HOXC4: variants seen among roughly 807,000 people sequenced by gnomAD.
HOXC4 encodes homeobox C4.
Under a neutral mutation model 25.5 loss-of-function variants are expected in HOXC4, and 15 were observed. That is an observed-to-expected ratio of 0.59 (90% confidence interval 0.39 to 0.91). HOXC4 has a LOEUF of 0.91. Among genes scored for constraint, HOXC4 ranks in the 40% least tolerant of loss-of-function variants. The pLI, the probability that HOXC4 is intolerant of heterozygous loss-of-function variation, is 0.00. For missense variants in HOXC4, 342 were observed against 352.4 expected (o/e 0.97, Z 0.24); for synonymous variants, 165 against 148.0 (o/e 1.11, Z -0.83).
At chr12:54,034,702 C>CCTCAGCTCGGCTCAGCTCGGTACCCGGGG (rs1483000704) in intron 1 of HOXC4, 42 of 562,766 alleles carry the variant, frequency 7.5e-5, no homozygotes, top group Non-Finnish European at 1.3e-4. Flanking sequence ...CCCCATCTCC[C>CCTCAGCTCGGCTCAGCTCGGTACCCGGGG]CTCAGCTCGG....
chr12:54,050,971 C>T (rs1157472936), upstream of HOXC4, among the ~76,000 whole-genome samples: 1 of 152,168 alleles, frequency 6.6e-6, no homozygotes, highest in Non-Finnish European at 1.5e-5. Flanking sequence ...TCTGTGTCTA[C>T]TACTTATACT....
intron 1 of HOXC4, chr12:54,020,381 T>C (rs1940380676): frequency 6.6e-6 from 1 of 152,236 alleles, no homozygotes; most frequent in Non-Finnish European, 1.5e-5. Flanking sequence ...CCATCCGCTG[T>C]ATTTCATGTG....
intron 1 of HOXC4, among the ~76,000 whole-genome samples, chr12:54,027,974 G>A (rs1473098017): frequency 6.6e-6 from 1 of 152,148 alleles, no homozygotes; most frequent in Non-Finnish European, 1.5e-5. Flanking sequence ...TGTCAAAACA[G>A]GATTTCCTGC....
chr12:54,033,723 G>A, intron 1 of HOXC4: 1 of 694,428 alleles, frequency 1.4e-6, no homozygotes, highest in Non-Finnish European at 2.3e-6. Flanking sequence ...AAGGCTTAGA[G>A]GCTGTGTGCG....
In HOXC4 at chr12:54,034,808, C is replaced by G. The variant is rs902018071; in HGVS notation, c.-124+17394C>G. The G allele has an allele frequency of 1.2e-5, 4 of 345,430 alleles. No homozygotes were observed. In the East Asian group the frequency reaches 1.9e-4, roughly 17 times the overall value. 21.4% of individuals were successfully genotyped at this position (345,430 alleles called of 1,614,324 possible). ...GCGCAGAACGAACCTTGGCCTGGGC[C>G]GTATCTCCGGCTCCCAGCCTCAGCG... On this transcript the variant is annotated intron_variant, in intron 1 of 3. Coordinates refer to the HOXC4 transcript ENST00000303406.
At chr12:54,034,013 G>C (rs539020510) in intron 1 of HOXC4, 2 of 665,696 alleles carry the variant, frequency 3.0e-6, no homozygotes, top group South Asian at 1.5e-5. Context: ...TGTTCGGTCC[G>C]AGCCTGGGTC....
At chr12:54,030,037 G>A in intron 1 of HOXC4, 4 of 1,319,420 alleles carry the variant, frequency 3.0e-6, no homozygotes, top group Non-Finnish European at 4.1e-6. Flanking sequence ...CACACACTCT[G>A]TATTTATCAC....
At chr12:54,038,685 T>C (rs926944434) in intron 1 of HOXC4, among the ~76,000 whole-genome samples, 1 of 152,144 alleles carries the variant, frequency 6.6e-6, no homozygotes, top group African/African-American at 2.4e-5. Flanking sequence ...CTCCTCTCCT[T>C]CTAGCTGCTT....
intron 1 of HOXC4, among the ~76,000 whole-genome samples, chr12:54,046,860 G>C (rs984446841): frequency 1.3e-5 from 2 of 152,108 alleles, no homozygotes; most frequent in Admixed American, 1.3e-4. Context: ...GCTGAACAGC[G>C]TGTTCCCGGG....
Position 54,055,928 on chromosome 12 carries a change from A to G in HOXC4, c.*723A>G, listed in dbSNP as rs983713444. On this transcript the variant is annotated 3_prime_UTR_variant, in exon 2 of 2. Transcript: ENST00000430889. ...CCTATCGTGGTTATTGTGTTTTTGG[A>G]CTGAATTTACTTGATTATTGTAAAA... is the stretch of plus-strand genomic sequence containing the variant. The G allele has an allele frequency of 5.9e-5, 9 of 152,666 alleles. No homozygotes were observed. The highest frequency in any genetic ancestry group is 2.2e-4 in the African/African-American group (9 of 41,532). The allele number at this position is 152,666 out of a possible 1,614,324, so 9.5% of individuals were successfully genotyped here.
chr12:54,024,364 G>A (rs879396467), intron 1 of HOXC4, among the ~76,000 whole-genome samples: 3 of 152,132 alleles, frequency 2.0e-5, no homozygotes, highest in African/African-American at 4.8e-5. Flanking sequence ...GCCTCAGGAG[G>A]CACCGAGCTG....
At chr12:54,024,420 C>T (rs550992068) in intron 1 of HOXC4, among the ~76,000 whole-genome samples, 3 of 152,086 alleles carry the variant, frequency 2.0e-5, no homozygotes, top group Non-Finnish European at 2.9e-5. Flanking sequence ...TATCTGTGTG[C>T]GAGGGTTGGT....
At chr12:54,020,341 C>T (rs527690942) in intron 1 of HOXC4, 10 of 151,788 alleles carry the variant, frequency 6.6e-5, no homozygotes, top group East Asian at 1.9e-4. Context: ...GGCTTGCCTG[C>T]CCCCCTTATA....
At chr12:54,052,547 G>A (rs1236979462), upstream of HOXC4, among the ~76,000 whole-genome samples, 1 of 150,352 alleles carries the variant, frequency 6.7e-6, no homozygotes, top group Non-Finnish European at 1.5e-5. Context: ...GGAATCGGTG[G>A]CATGACAGGA....
At chr12:54,021,292 T>C (rs1377382693) in intron 1 of HOXC4, 1 of 152,212 alleles carries the variant, frequency 6.6e-6, no homozygotes, top group African/African-American at 2.4e-5. Flanking sequence ...ATCTGGTTAC[T>C]GGATGAACTG....
intron 1 of HOXC4, among the ~76,000 whole-genome samples, chr12:54,036,627 G>C (rs889639109): frequency 3.9e-5 from 6 of 152,120 alleles, no homozygotes; most frequent in Non-Finnish European, 8.8e-5. Context: ...AGGTTAGGGC[G>C]CCTGTTGTCT....
chr12:54,037,720 A>T (rs955575360), intron 1 of HOXC4: 1 of 152,250 alleles, frequency 6.6e-6, no homozygotes, highest in Non-Finnish European at 1.5e-5. Flanking sequence ...GCATGCTTCT[A>T]TGTGAATTTA....
At chr12:54,033,870 G>C (rs1312320599) in intron 1 of HOXC4, 12 of 503,700 alleles carry the variant, frequency 2.4e-5, no homozygotes, top group Non-Finnish European at 4.4e-5. Flanking sequence ...TCCAGAGCGG[G>C]GATCCCCCCG....
intron 1 of HOXC4, chr12:54,020,538 A>G (rs992960248): frequency 6.6e-5 from 10 of 152,218 alleles, no homozygotes; most frequent in Non-Finnish European, 1.3e-4. Context: ...GGAGTGTTAT[A>G]TATTTATTAT....
Sources: gnomAD v4.1 joint callset for allele counts (sites outside exome capture counted in the v4.1 genomes callset) on GRCh38, gnomAD v4.1.1 for gene constraint, MANE v1.5 for transcripts, NCBI Gene and HGNC (gene_info 2026-07-23, HGNC 2026-07-21) for gene names.